Variants in TEX101 observed in about 807,000 individuals in gnomAD.
The protein encoded by TEX101 is testis expressed 101, also known as testis-expressed protein 101.
Under a neutral mutation model 18.1 loss-of-function variants are expected in TEX101, and 10 were observed. The ratio of observed to expected loss-of-function variants is 0.55; its 90% CI spans 0.34 to 0.94. The LOEUF (loss-of-function observed/expected upper bound fraction) is 0.94, where lower values mean the gene tolerates loss of function less well. Among genes scored for constraint, TEX101 ranks in the 40% least tolerant of loss-of-function variants. TEX101 has a pLI of 0.02. For synonymous variants in TEX101, 94 were observed against 114.8 expected (o/e 0.82, Z 1.16); for missense variants, 259 against 298.9 (o/e 0.87, Z 0.98).
chr19:43,412,651 C>T (rs986144089), upstream of TEX101, among the ~76,000 whole-genome samples: 6 of 152,070 alleles, frequency 3.9e-5, no homozygotes, highest in Non-Finnish European at 7.4e-5. Flanking sequence ...GGGGGACAGA[C>T]GGGGGCTGAA....
chr19:43,416,120 A>G lies in TEX101; in HGVS notation c.86A>G (p.Gln29Arg). 1 of 1,612,260 alleles carries G rather than the reference A, an allele frequency of 6.2e-7. No individual in the cohort carries two copies. Among genetic ancestry groups the G allele is most frequent in the Non-Finnish European group, 8.5e-7 (1 of 1,179,182 alleles). Residue 29 changes from glutamine to arginine, a missense_variant, in exon 3 of 6, where the codon CAA becomes CGA. Transcript: ENST00000598265. ...TCAGCGGGCCTAGAGCTGTATTGTC[A>G]AAAGGGTCTGTCCATGACTGTGGAA... The part of the protein sequence containing the change: ...LLTSGLELYC[Q>R]KGLSMTVEAD...
chr19:43,403,819 CTTGAT>C (rs1371434457), intron 2 of TEX101, among the ~76,000 whole-genome samples: 1 of 151,964 alleles, frequency 6.6e-6, no homozygotes, highest in Non-Finnish European at 1.5e-5. Context: ...ATCCAATTTT[CTTGAT>C]TTAAGATGGT....
At chr19:43,396,481 G>A in the TEX101 span, among the ~76,000 whole-genome samples, 19 of 152,214 alleles carry the variant, frequency 1.2e-4, no homozygotes, top group African/African-American at 4.1e-4. Context: ...TCTAATAGGC[G>A]CTTAATCACA....
At chr19:43,406,931 G>GTTTTTTTTT (rs1002990799) in intron 3 of TEX101, among the ~76,000 whole-genome samples, 9 of 116,112 alleles carry the variant, frequency 7.8e-5, no homozygotes, top group African/African-American at 1.7e-4. Context: ...TTTGTTTTTT[G>GTTTTTTTTT]TTTTTTTTTT....
chr19:43,414,894 GA>G lies in TEX101; in HGVS notation c.-182del, dbSNP rs1970455257. 4.1e-6 allele frequency: 4 copies of G among 985,404 alleles called. No individual in the cohort carries two copies. The highest frequency in any genetic ancestry group is 6.1e-5 in the Admixed American group (1 of 16,274). The allele number at this position is 985,404 out of a possible 1,614,324, so 61.0% of individuals were successfully genotyped here. A position where few individuals can be genotyped will look rare whatever the true frequency, so the allele number is the denominator to read the frequency against. On this transcript the variant is annotated 5_prime_UTR_variant, in exon 1 of 6. The change creates a new upstream start codon in the 5' untranslated region. Transcript: ENST00000598265. Reference sequence around the variant, plus strand: ...GCTGGCCCGGCCTTGCGTCGTAAGAGAATGCCAAGCCCGGGGAGAAGGCGTT... The same window carrying G: ...GCTGGCCCGGCCTTGCGTCGTAAGAGATGCCAAGCCCGGGGAGAAGGCGTT...
rs1017717539 is a variant in TEX101, at chr19:43,415,965, G to A, written c.46G>A (p.Gly16Arg). 1.6e-5 allele frequency: 26 copies of A among 1,613,994 alleles called. No individual in the cohort carries two copies. The highest frequency in any genetic ancestry group is 2.2e-5 in the Non-Finnish European group (26 of 1,180,010). Reference protein sequence around the residue: ...IQHLLILLVLGASLLTSGLEL... With the variant: ...IQHLLILLVLRASLLTSGLEL... ...GCATTTGCTGATCCTCCTGGTCCTA[G>A]GAGCCTCCCTCCTGACCTGTGCGTA... Residue 16 changes from glycine (G) to arginine (R), a missense_variant, in exon 2 of 6, where the codon GGA becomes AGA. Physicochemically the swap from Gly to Arg is moderately radical, Grantham distance 125. Coordinates refer to ENST00000598265, the MANE Select transcript of TEX101 (RefSeq NM_001130011.3).
chr19:43,398,256 A>C (rs1308301712), upstream of TEX101, among the ~76,000 whole-genome samples: 1 of 121,332 alleles, frequency 8.2e-6, no homozygotes, highest in Non-Finnish European at 1.6e-5. Flanking sequence ...TAATATATAT[A>C]ATATATATAA....
chr19:43,407,493 A>G (rs938684845), intron 3 of TEX101, among the ~76,000 whole-genome samples: 1 of 152,104 alleles, frequency 6.6e-6, no homozygotes, highest in Non-Finnish European at 1.5e-5. Flanking sequence ...CAAAAAAAAA[A>G]AAAAGGAAGA....
At chr19:43,417,766 G>T (rs1970495406) in intron 4 of TEX101, 112 bp from the exon 5 acceptor site, 11 of 1,366,652 alleles carry the variant, frequency 8.0e-6, no homozygotes, top group South Asian at 6.5e-5. Context: ...TGAAGTAATG[G>T]GCCTTGATTA....
At chr19:43,405,585 A>G (rs950751703) in intron 2 of TEX101, among the ~76,000 whole-genome samples, 5 of 150,648 alleles carry the variant, frequency 3.3e-5, no homozygotes, top group East Asian at 1.9e-4. Flanking sequence ...AGAGGCAAAG[A>G]CAAAGACAAG....
At chr19:43,410,649 A>G (rs1970410324), upstream of TEX101, among the ~76,000 whole-genome samples, 1 of 152,086 alleles carries the variant, frequency 6.6e-6, no homozygotes, top group Non-Finnish European at 1.5e-5. Flanking sequence ...GAGTACACAG[A>G]GATGGATCAG....
chr19:43,393,000 G>C, the TEX101 span, among the ~76,000 whole-genome samples: 46 of 151,792 alleles, frequency 3.0e-4, no homozygotes, highest in African/African-American at 1.0e-3. Context: ...AGAGGTTGCA[G>C]TGAGCCAAGA....
upstream of TEX101, among the ~76,000 whole-genome samples, chr19:43,397,125 C>T (rs1191271385): frequency 1.3e-5 from 2 of 152,092 alleles, no homozygotes; most frequent in African/African-American, 2.4e-5. Context: ...CATGAGCCAC[C>T]GCACCCAGCC....
rs144751903 is a variant in TEX101, at chr19:43,403,659, T to C, written c.-283+800T>C. 7.0e-3 allele frequency among the ~76,000 whole-genome samples: 1,053 copies of C among 151,478 alleles called. 6 individuals are homozygous for C. The highest frequency in any genetic ancestry group is 0.014 in the Middle Eastern group (4 of 294). On this transcript the variant is annotated intron_variant, in intron 2 of 7. Coordinates refer to the TEX101 transcript ENST00000602198. ...AGAATAAACTAAATGTTCTAATTGA[T>C]TTTAAAAAAAAAAAGGAAAAAGAAA...
chr19:43,396,917 C>T (rs1256016197), upstream of TEX101, among the ~76,000 whole-genome samples: 3 of 142,366 alleles, frequency 2.1e-5, no homozygotes, highest in South Asian at 2.2e-4. Context: ...ACTCACTGCA[C>T]GTTCCGCCTT....
In TEX101 at chr19:43,406,939, T is replaced by G. The variant is rs572185392; in HGVS notation, c.15+420T>G. Among the ~76,000 whole-genome samples, 26 of 151,012 alleles carry G rather than the reference T, an allele frequency of 1.7e-4. 1 individual carries two copies. The highest frequency in any genetic ancestry group is 1.4e-3 in the East Asian group (7 of 5,174). ...TTTTGTCTTTGTTTTTTGTTTTTTT[T>G]TTTTTTTTTGACAGGGTCTCATTCT... On this transcript the variant is annotated intron_variant, in intron 3 of 7. Coordinates refer to the TEX101 transcript ENST00000602198.
chr19:43,415,755 G>A (rs377663692), intron 1 of TEX101, 126 bp from the exon 2 acceptor site: 48 of 785,114 alleles, frequency 6.1e-5, no homozygotes, highest in African/African-American at 1.1e-4. Flanking sequence ...GCAAGACTCC[G>A]TCTCAAAAAA....
chr19:43,394,472 CTTTTT>C, the TEX101 span, among the ~76,000 whole-genome samples: 2 of 140,286 alleles, frequency 1.4e-5, no homozygotes, highest in Non-Finnish European at 3.1e-5. Flanking sequence ...GCCTGACTTA[CTTTTT>C]TTTTTTTTTT....
the TEX101 span, among the ~76,000 whole-genome samples, chr19:43,395,324 G>T: frequency 5.3e-5 from 8 of 152,204 alleles, no homozygotes; most frequent in Non-Finnish European, 8.8e-5. Flanking sequence ...GATTCTCAAA[G>T]GCCTTAAGCT....
Sources: allele counts gnomAD v4.1 joint callset (sites outside exome capture counted in the v4.1 genomes callset), GRCh38; gene constraint gnomAD v4.1.1; transcripts MANE v1.5; gene names NCBI Gene and HGNC (gene_info 2026-07-23, HGNC 2026-07-21).